The following ASAP1 variants were observed in gnomAD, a reference collection of about 807,000 sequenced individuals.
ASAP1 encodes the protein ArfGAP with SH3 domain, ankyrin repeat and PH domain 1.
A neutral mutation model predicts 145.2 loss-of-function variants in ASAP1; 43 were observed. That is an observed-to-expected ratio of 0.30 (90% CI 0.23 to 0.38). ASAP1 has a LOEUF of 0.38. Among genes scored for constraint, ASAP1 ranks in the 10% least tolerant of loss-of-function variants. The pLI, the probability that ASAP1 is intolerant of heterozygous loss-of-function variation, is 1.00. For synonymous variants in ASAP1, 546 were observed against 515.5 expected (o/e 1.06, Z -0.80); for missense variants, 1,018 against 1,355.3 (o/e 0.75, Z 3.91).
rs1814872103 is a variant in ASAP1, at chr8:130,188,197, G to A, written c.406-14C>T. On this transcript the variant is annotated splice_polypyrimidine_tract_variant and intron_variant, in intron 5 of 29. Transcript: ENST00000518721. ...CAAACCCTGGAGCTGAAAAAGCAAA[G>A]GGAAGATGGGAGATGGTTAAAAAAT... is the stretch of plus-strand genomic sequence containing the variant. The A allele has an allele frequency of 6.2e-7, 1 of 1,600,374 alleles. No homozygotes were observed. The highest frequency in any genetic ancestry group is 1.1e-5 in the South Asian group (1 of 90,596).
intron 22 of ASAP1, 98 bp downstream of exon 22, chr8:130,116,580 A>G: frequency 9.1e-7 from 1 of 1,097,926 alleles, no homozygotes; most frequent in South Asian, 1.3e-5. Flanking sequence ...GTTAAAAAAA[A>G]ATGAATCTGC....
intron 1 of ASAP1, among the ~76,000 whole-genome samples, chr8:130,437,310 C>T (rs1416234151): frequency 6.6e-6 from 1 of 152,176 alleles, no homozygotes; most frequent in Non-Finnish European, 1.5e-5. Context: ...GATGCCCCAG[C>T]TCACAGGTGA....
intron 3 of ASAP1, among the ~76,000 whole-genome samples, chr8:130,351,520 T>A (rs181070262): frequency 6.6e-6 from 1 of 152,148 alleles, no homozygotes; most frequent in Admixed American, 6.5e-5. Flanking sequence ...GAAAGGAAAT[T>A]CTGCAGGCTG....
intron 1 of ASAP1, among the ~76,000 whole-genome samples, chr8:130,404,095 T>A (rs1282917428): frequency 6.6e-6 from 1 of 152,236 alleles, no homozygotes; most frequent in African/African-American, 2.4e-5. Flanking sequence ...CTAATTTTCT[T>A]CAATTGTAAG....
chr8:130,408,959 G>C (rs1829149602), intron 1 of ASAP1, among the ~76,000 whole-genome samples: 1 of 152,100 alleles, frequency 6.6e-6, no homozygotes, highest in South Asian at 2.1e-4. Context: ...GTTCATAGAG[G>C]TAAGTCAAAT....
In ASAP1 at chr8:130,134,279, A is replaced by G; in HGVS notation, c.1217+17T>C. 6.4e-7 allele frequency: 1 copy of G among 1,563,582 alleles called. No homozygotes were observed. Among genetic ancestry groups the G allele is most frequent in the South Asian group, 1.2e-5 (1 of 82,880 alleles). On this transcript the variant is annotated intron_variant, in intron 15 of 29. Transcript: ENST00000518721. ...TTTCAATCCAAGGCATCGCACCTTT[A>G]TTTCAAAACTACTTACGCTACATAA...
chr8:130,430,685 C>T lies in ASAP1; in HGVS notation c.-28+12775G>A, dbSNP rs115654326. Among the ~76,000 whole-genome samples the T allele has an allele frequency of 1.8e-3, 280 of 152,278 alleles. 2 individuals carry two copies. Among genetic ancestry groups the T allele is most frequent in the African/African-American group, 6.3e-3 (261 of 41,540 alleles). On this transcript the variant is annotated intron_variant, in intron 1 of 29. Transcript: ENST00000518721. ...ATGATTCCAGAGAAACCACCCAGAA[C>T]ACTGACCCGAGGCAGGAACTGTGGG...
chr8:130,284,842 TAC>T (rs34799517), intron 3 of ASAP1, among the ~76,000 whole-genome samples: 6,976 of 141,378 alleles, frequency 0.049, 168 homozygotes, highest in African/African-American at 0.062. Flanking sequence ...TTTTACACTC[TAC>T]ACACACACAC....
intron 18 of ASAP1, among the ~76,000 whole-genome samples, chr8:130,119,787 C>T (rs900978589): frequency 5.3e-5 from 8 of 151,092 alleles, no homozygotes; most frequent in Non-Finnish European, 7.4e-5. Flanking sequence ...ACTGCTTAAT[C>T]GTCATGAGCT....
intron 3 of ASAP1, among the ~76,000 whole-genome samples, chr8:130,242,349 T>C (rs1157914906): frequency 1.3e-5 from 2 of 151,148 alleles, no homozygotes; most frequent in Non-Finnish European, 2.9e-5. Context: ...CTTTATAGTA[T>C]ATTCAGAGAG....
At chr8:130,355,228 T>A (rs1826234500) in intron 3 of ASAP1, among the ~76,000 whole-genome samples, 1 of 152,130 alleles carries the variant, frequency 6.6e-6, no homozygotes, top group African/African-American at 2.4e-5. Flanking sequence ...ATCACAGAGA[T>A]TTAACTAAAA....
chr8:130,101,010 C>T (rs1032156656), intron 24 of ASAP1, among the ~76,000 whole-genome samples: 9 of 152,004 alleles, frequency 5.9e-5, no homozygotes, highest in African/African-American at 2.2e-4. Context: ...TGAGAGATAC[C>T]CAGCTTTCTC....
chr8:130,126,125 A>G, intron 16 of ASAP1, 36 bp from the exon 17 acceptor site: 2 of 1,584,418 alleles, frequency 1.3e-6, no homozygotes, highest in Non-Finnish European at 1.7e-6. Flanking sequence ...GAAACAAAAA[A>G]GACATCTAAT....
At chr8:130,345,350 T>C (rs116138894) in intron 3 of ASAP1, among the ~76,000 whole-genome samples, 134 of 152,314 alleles carry the variant, frequency 8.8e-4, no homozygotes, top group African/African-American at 2.9e-3. Context: ...AGATGCATGA[T>C]GTAAATTATC....
intron 13 of ASAP1, among the ~76,000 whole-genome samples, chr8:130,149,966 C>T (rs1470761560): frequency 2.0e-5 from 3 of 152,142 alleles, no homozygotes; most frequent in African/African-American, 7.2e-5. Context: ...GCTCTGGGGG[C>T]AGGAGAGTGC....
At chr8:130,367,359 A>C (rs534365007) in intron 2 of ASAP1, among the ~76,000 whole-genome samples, 1 of 152,230 alleles carries the variant, frequency 6.6e-6, no homozygotes, top group Non-Finnish European at 1.5e-5. Flanking sequence ...ATGAATGTAA[A>C]GTCCAAGTAA....
intron 1 of ASAP1, among the ~76,000 whole-genome samples, chr8:130,431,267 A>G (rs1587040077): frequency 6.6e-6 from 1 of 151,990 alleles, no homozygotes; most frequent in Non-Finnish European, 1.5e-5. Flanking sequence ...ATTCAGTCCA[A>G]TGTAGCCAGA....
In ASAP1 at chr8:130,396,428, C is replaced by T. The variant is rs143996408; in HGVS notation, c.59+5457G>A. Among the ~76,000 whole-genome samples, 67 of 152,314 alleles carry T rather than the reference C, an allele frequency of 4.4e-4. 1 individual carries two copies. The East Asian group carries it at 0.013, about 29-fold the overall frequency. ...AGACCAGCATCATCACTTCCCATCT[C>T]TCAGTTTAGCCATAACCTTCCTTCC... On this transcript the variant is annotated intron_variant, in intron 2 of 29. Coordinates refer to ENST00000518721, the MANE Select transcript of ASAP1 (RefSeq NM_018482.4).
At chr8:130,399,617 T>A (rs985451134) in intron 2 of ASAP1, among the ~76,000 whole-genome samples, 4 of 152,240 alleles carry the variant, frequency 2.6e-5, no homozygotes, top group African/African-American at 9.6e-5. Flanking sequence ...ATCCACCCAT[T>A]CAGGACACAT....
Sources: gnomAD v4.1 joint callset for allele counts (sites outside exome capture counted in the v4.1 genomes callset) on GRCh38, gnomAD v4.1.1 for gene constraint, MANE v1.5 for transcripts, NCBI Gene and HGNC (gene_info 2026-07-23, HGNC 2026-07-21) for gene names.